WDR37: variants seen among roughly 807,000 people sequenced by gnomAD.
WDR37 encodes WD repeat domain 37.
A neutral mutation model predicts 62.9 loss-of-function variants in WDR37; 19 were observed. That is an observed-to-expected ratio of 0.30 (90% confidence interval 0.21 to 0.44). The LOEUF is 0.44. Ranked by LOEUF, WDR37 falls within the 20% of genes least tolerant of loss-of-function variation. WDR37 has a pLI of 1.00. For missense variants in WDR37, 474 were observed against 657.6 expected (o/e 0.72, Z 3.05); for synonymous variants, 250 against 260.9 (o/e 0.96, Z 0.40).
chr10:1,097,088 C>G (rs1695612684), intron 9 of WDR37, among the ~76,000 whole-genome samples: 2 of 152,206 alleles, frequency 1.3e-5, no homozygotes, highest in African/African-American at 4.8e-5. Flanking sequence ...AAGGTGCAGC[C>G]TGGCTGCTCT....
rs761166761 is a variant in WDR37, at chr10:1,121,359, AT to A, written c.1104-2857del. 1.4e-4 allele frequency among the ~76,000 whole-genome samples: 21 copies of A among 152,154 alleles called. No homozygotes were observed. The highest frequency in any genetic ancestry group is 2.1e-4 in the Non-Finnish European group (14 of 68,026). ...AGAAGTTGGGGGCACCTCTCCTCTCATTCTTCCAGGCTCCCCCAGCAGCCGA... is the reference window on the plus strand; with the variant it reads ...AGAAGTTGGGGGCACCTCTCCTCTCATCTTCCAGGCTCCCCCAGCAGCCGA... On this transcript the variant is annotated intron_variant, in intron 11 of 13. Coordinates refer to ENST00000263150, the MANE Select transcript of WDR37 (RefSeq NM_014023.4). This position sits in a 1 kb window ranked among gnomAD's most constrained non-coding sequence, Gnocchi z 4.5.
chr10:1,126,337 CGG>C (rs1835764323), intron 13 of WDR37, among the ~76,000 whole-genome samples: 1 of 149,664 alleles, frequency 6.7e-6, no homozygotes, highest in Non-Finnish European at 1.5e-5. Flanking sequence ...ACCCAGGAGG[CGG>C]AGCTTGCAGT....
chr10:1,080,041 G>A lies in WDR37; in HGVS notation c.266G>A (p.Arg89His). 1 of 1,614,004 alleles carries A rather than the reference G, an allele frequency of 6.2e-7. No individual in the cohort carries two copies. Among genetic ancestry groups the A allele is most frequent in the Non-Finnish European group, 8.5e-7 (1 of 1,179,968 alleles). Reference sequence around the variant, plus strand: ...AGAGAAATCGACACTCTTAATGAACGTTTAGCTGCTGAAGGACAAGCGATT... The same window carrying A: ...AGAGAAATCGACACTCTTAATGAACATTTAGCTGCTGAAGGACAAGCGATT... ...LRREIDTLNE[R>H]LAAEGQAIDG... The change falls in exon 4 of 14, where the codon CGT becomes CAT. Residue 89 changes from arginine to histidine, a missense_variant. Arg to His is a conservative substitution (Grantham distance 29). Coordinates refer to ENST00000263150, the MANE Select transcript of WDR37 (RefSeq NM_014023.4).
chr10:1,098,290 G>A (rs944289078), intron 9 of WDR37, among the ~76,000 whole-genome samples: 4 of 149,712 alleles, frequency 2.7e-5, no homozygotes, highest in Non-Finnish European at 5.9e-5. Context: ...GCCCTTGTGT[G>A]TGCACGCTCT....
chr10:1,069,819 A>G (rs1357648357), intron 1 of WDR37, among the ~76,000 whole-genome samples: 1 of 152,228 alleles, frequency 6.6e-6, no homozygotes, highest in Non-Finnish European at 1.5e-5. Context: ...TAACTAACAA[A>G]TTAACAGATT....
intron 11 of WDR37, among the ~76,000 whole-genome samples, chr10:1,109,625 C>T (rs544567525): frequency 3.9e-5 from 6 of 152,246 alleles, no homozygotes; most frequent in Non-Finnish European, 5.9e-5. Context: ...GCAGGAGAAT[C>T]GCTTGAACTT....
intron 1 of WDR37, 90 bp from the exon 2 acceptor site, chr10:1,072,026 G>A (rs1011167503): frequency 9.9e-7 from 1 of 1,010,726 alleles, no homozygotes; most frequent in South Asian, 1.9e-5. Flanking sequence ...AAGGAAGCTT[G>A]TAATTAGAAG....
chr10:1,066,275 C>T (rs1833539666), intron 1 of WDR37, among the ~76,000 whole-genome samples: 2 of 152,244 alleles, frequency 1.3e-5, no homozygotes, highest in South Asian at 4.1e-4. Flanking sequence ...GCCACCACGC[C>T]CTGCTAATTT....
chr10:1,098,947 G>A (rs1381369058), intron 9 of WDR37, among the ~76,000 whole-genome samples: 1 of 152,122 alleles, frequency 6.6e-6, no homozygotes, highest in Non-Finnish European at 1.5e-5. Flanking sequence ...TTTGGATCCT[G>A]TTTCTCACTG....
At chr10:1,083,795 G>A (rs1458933707) in intron 5 of WDR37, among the ~76,000 whole-genome samples, 1 of 152,226 alleles carries the variant, frequency 6.6e-6, no homozygotes, top group East Asian at 1.9e-4. Flanking sequence ...CTACGGCCGC[G>A]CTGCCCTGCA....
chr10:1,069,381 ATATATATATT>A (rs1440037180), intron 1 of WDR37, among the ~76,000 whole-genome samples: 1 of 27,154 alleles, frequency 3.7e-5, no homozygotes, highest in Non-Finnish European at 7.3e-5. Flanking sequence ...ATATATATAT[ATATATATATT>A]TTTTTTTTTT....
chr10:1,085,792 G>T (rs761235157), intron 6 of WDR37, among the ~76,000 whole-genome samples: 6 of 152,118 alleles, frequency 3.9e-5, no homozygotes, highest in Non-Finnish European at 7.4e-5. Context: ...AATTTCATTT[G>T]GCTAATTGGT....
chr10:1,084,545 C>T lies in WDR37; in HGVS notation c.532+7C>T, dbSNP rs200248823. The T allele has an allele frequency of 2.5e-5, 40 of 1,612,484 alleles. No individual in the cohort carries two copies. Among genetic ancestry groups the T allele is most frequent in the East Asian group, 6.7e-5 (3 of 44,850 alleles). ...CTCGGGACTGCATCAGCCGGTGAGT[C>T]GCACACGGACCTGGCCAGCCTGCGG... is the stretch of plus-strand genomic sequence containing the variant. On this transcript the variant is annotated splice_region_variant and intron_variant, in intron 6 of 13. Coordinates refer to ENST00000263150, the MANE Select transcript of WDR37 (RefSeq NM_014023.4).
In WDR37 at chr10:1,078,739, C is replaced by T. The variant is rs1206777992; in HGVS notation, c.235+736C>T. ...TGTGTTGCCCAGGCTGGTCTCAAAC[C>T]CCTGGGCTTAAGTGGTCTTCCCACC... On this transcript the variant is annotated intron_variant, in intron 3 of 13. Coordinates refer to ENST00000263150, the MANE Select transcript of WDR37 (RefSeq NM_014023.4). Among the ~76,000 whole-genome samples, 3 of 152,118 alleles carry T rather than the reference C, an allele frequency of 2.0e-5. No individual in the cohort carries two copies. The East Asian group carries it at 5.8e-4, about 29-fold the overall frequency.
intron 11 of WDR37, among the ~76,000 whole-genome samples, chr10:1,108,069 AG>A (rs1262738328): frequency 6.6e-6 from 1 of 152,250 alleles, no homozygotes; most frequent in Non-Finnish European, 1.5e-5. Flanking sequence ...GCCCTTTGAA[AG>A]GAAAACTCCA....
At chr10:1,066,359 G>A (rs117465466) in intron 1 of WDR37, among the ~76,000 whole-genome samples, 15,130 of 152,164 alleles carry the variant, frequency 0.099, 971 homozygotes, top group Middle Eastern at 0.17. Flanking sequence ...CTTGTGATCC[G>A]TCCACCTTGA....
chr10:1,069,389 A>ATATATATATATATATATATTTTTTTTT, intron 1 of WDR37, among the ~76,000 whole-genome samples: 2 of 95,772 alleles, frequency 2.1e-5, no homozygotes, highest in Non-Finnish European at 3.8e-5. Context: ...ATATATATAT[A>ATATATATATATATATATATTTTTTTTT]TTTTTTTTTT....
At chr10:1,111,235 G>T (rs1835208925) in intron 11 of WDR37, among the ~76,000 whole-genome samples, 1 of 152,180 alleles carries the variant, frequency 6.6e-6, no homozygotes, top group South Asian at 2.1e-4. Context: ...AGTATAGTAT[G>T]TTGGAATCTA....
At chr10:1,109,105 C>T (rs1227478726) in intron 11 of WDR37, among the ~76,000 whole-genome samples, 3 of 152,114 alleles carry the variant, frequency 2.0e-5, no homozygotes, top group Non-Finnish European at 1.5e-5. Flanking sequence ...CCTGGCATCA[C>T]CCCAGTTCAG....
Sources: gnomAD v4.1 joint callset for allele counts (sites outside exome capture counted in the v4.1 genomes callset) on GRCh38, gnomAD v4.1.1 for gene constraint, Gnocchi (gnomAD v3.1) non-coding constraint, MANE v1.5 for transcripts, NCBI Gene and HGNC (gene_info 2026-07-23, HGNC 2026-07-21) for gene names.